MCPH1: variants seen among roughly 807,000 people sequenced by gnomAD.
MCPH1 encodes the protein microcephalin.
MCPH1 carries 104 observed loss-of-function variants against 84.5 expected under a neutral mutation model. That is an observed-to-expected ratio of 1.23 (90% CI 1.05 to 1.45). The LOEUF is 1.45. Among genes scored for constraint, MCPH1 ranks in the 40% most tolerant of loss-of-function variants. MCPH1 has a pLI of 0.00. For synonymous variants in MCPH1, 514 were observed against 366.8 expected, an observed-to-expected ratio of 1.40 and a Z score of -4.58; for missense variants, 1,498 against 1,005.7, an observed-to-expected ratio of 1.49 and a Z score of -6.62.
chr8:6,579,179 G>A (rs766544258), intron 12 of MCPH1, among the ~76,000 whole-genome samples: 1 of 152,204 alleles, frequency 6.6e-6, no homozygotes, highest in Non-Finnish European at 1.5e-5. Context: ...TCCACCTGTA[G>A]CCTCTAGCCC....
At chr8:6,542,292 GT>G (rs1362554046) in intron 12 of MCPH1, among the ~76,000 whole-genome samples, 3 of 133,102 alleles carry the variant, frequency 2.3e-5, no homozygotes, top group African/African-American at 1.0e-4. Flanking sequence ...TGAGGTAGGG[GT>G]GTGTGTGTGT....
intron 5 of MCPH1, 48 bp from the exon 6 acceptor site, chr8:6,438,905 T>C: frequency 1.9e-6 from 3 of 1,584,768 alleles, no homozygotes; most frequent in Non-Finnish European, 1.7e-6. Flanking sequence ...ATTCCTGAAG[T>C]ATGAAGGCAC....
chr8:6,503,816 G>A (rs935653708), intron 12 of MCPH1, among the ~76,000 whole-genome samples: 3 of 152,158 alleles, frequency 2.0e-5, no homozygotes, highest in Admixed American at 6.5e-5. Context: ...CTAAAGCCAG[G>A]GCAGGAGAGG....
rs79036233 is a variant in MCPH1, at chr8:6,480,950, A to T, written c.2136+74A>T. On this transcript the variant is annotated intron_variant, in intron 11 of 13. Transcript: ENST00000344683. ...GAGTGGGTCACCCTGAGGTGCCGAC[A>T]TCAGCACTCAGGCCGGCGTGCACCC... 8 of 1,542,550 alleles carry T rather than the reference A, an allele frequency of 5.2e-6. No individual in the cohort carries two copies. The South Asian group carries it at 7.8e-5, about 15-fold the overall frequency.
chr8:6,541,040 G>A (rs1220766828), intron 12 of MCPH1, among the ~76,000 whole-genome samples: 1 of 152,118 alleles, frequency 6.6e-6, no homozygotes, highest in Non-Finnish European at 1.5e-5. Context: ...TGCCGAGGAG[G>A]CTCTCATGGG....
chr8:6,643,355 C>T lies in MCPH1; in HGVS notation c.*306C>T, dbSNP rs1798056029. The T allele has an allele frequency of 2.6e-6, 1 of 384,548 alleles. No homozygotes were observed. The highest frequency in any genetic ancestry group is 2.5e-5 in the South Asian group (1 of 39,448). 23.8% of individuals were successfully genotyped at this position (384,548 alleles called of 1,614,324 possible). On this transcript the variant is annotated 3_prime_UTR_variant, in exon 14 of 14. Transcript: ENST00000344683. ...TCTCGGCTCACTGCAACCTCCACCT[C>T]CCAGGTTCAAGCGATTCTGCTGCCT...
At position 6,445,154 on chromosome 8, in the gene MCPH1, G is replaced by A; in HGVS notation, c.1432G>A (p.Ala478Thr). 1 of 1,614,202 alleles carries A rather than the reference G, an allele frequency of 6.2e-7. No homozygotes were observed. Among genetic ancestry groups the A allele is most frequent in the South Asian group, 1.1e-5 (1 of 91,082 alleles). ...AACAGTTGACATTACCAATTTCACAGCAAAAACCATCTCCAGTCCTCGGAA... is the reference window on the plus strand; with the variant it reads ...AACAGTTGACATTACCAATTTCACAACAAAAACCATCTCCAGTCCTCGGAA... The part of the protein sequence containing the change: ...TRTVDITNFT[A>T]KTISSPRKTG... The change falls in exon 8 of 14, where the codon GCA (alanine) becomes ACA (threonine). Residue 478 changes from alanine to threonine, a missense_variant. By Grantham distance (58) the Ala-to-Thr change is moderately conservative (BLOSUM62 0). Coordinates refer to ENST00000344683, the MANE Select transcript of MCPH1 (RefSeq NM_024596.5).
At chr8:6,446,535 C>T (rs1048625949) in intron 8 of MCPH1, 2 of 983,692 alleles carry the variant, frequency 2.0e-6, no homozygotes, top group South Asian at 4.7e-5. Context: ...TCTTGGCTTT[C>T]TGAACATATA....
At chr8:6,516,830 C>A (rs1483445979) in intron 12 of MCPH1, among the ~76,000 whole-genome samples, 1 of 152,142 alleles carries the variant, frequency 6.6e-6, no homozygotes, top group Non-Finnish European at 1.5e-5. Flanking sequence ...AATACATGTT[C>A]TATCTTGTTC....
intron 12 of MCPH1, chr8:6,501,135 T>C (rs146392086): frequency 1.3e-5 from 2 of 152,356 alleles, no homozygotes; most frequent in African/African-American, 4.8e-5. Flanking sequence ...ACTAGTTAAA[T>C]AGTTGTTGGA....
At chr8:6,488,468 G>T (rs748733587) in intron 11 of MCPH1, among the ~76,000 whole-genome samples, 1 of 152,208 alleles carries the variant, frequency 6.6e-6, no homozygotes, top group Non-Finnish European at 1.5e-5. Context: ...GAAGACTGTG[G>T]AGTCACCCTG....
At chr8:6,578,368 A>G (rs1827283014) in intron 12 of MCPH1, among the ~76,000 whole-genome samples, 3 of 152,176 alleles carry the variant, frequency 2.0e-5, no homozygotes, top group Admixed American at 2.0e-4. Flanking sequence ...ACTTTGGGAA[A>G]CCCCTTTCCT....
intron 12 of MCPH1, among the ~76,000 whole-genome samples, chr8:6,536,295 A>T (rs1586459127): frequency 6.6e-6 from 1 of 152,102 alleles, no homozygotes; most frequent in South Asian, 2.1e-4. Context: ...CTGTGTCGGG[A>T]TCCCAGGCGC....
intron 6 of MCPH1, among the ~76,000 whole-genome samples, chr8:6,441,613 C>T (rs1803519618): frequency 6.6e-6 from 1 of 152,190 alleles, no homozygotes; most frequent in Non-Finnish European, 1.5e-5. Flanking sequence ...ACATTTGGGT[C>T]TGGGTAATTC....
intron 12 of MCPH1, chr8:6,507,919 T>C (rs987711967): frequency 3.3e-5 from 5 of 152,166 alleles, no homozygotes; most frequent in African/African-American, 4.8e-5. Context: ...ATTCCTATGT[T>C]TGAACTCTCA....
At chr8:6,629,391 G>C (rs1314351579) in intron 13 of MCPH1, among the ~76,000 whole-genome samples, 1 of 152,064 alleles carries the variant, frequency 6.6e-6, no homozygotes, top group African/African-American at 2.4e-5. Flanking sequence ...GAACACAAGA[G>C]GCGGAGGCTG....
At position 6,480,767 on chromosome 8, in the gene MCPH1, C is replaced by T. The variant is rs1281466326; in HGVS notation, c.2027C>T (p.Ala676Val). Residue 676 changes from alanine (A) to valine (V), a missense_variant, in exon 11 of 14, where the codon GCA (alanine) becomes GTA (valine). By Grantham distance (64) the Ala-to-Val change is moderately conservative. Transcript: ENST00000344683. ...GATAAATTGAAAGGCTTTTCAATTGCACCAGACGTCTGTGAGACCACGACT... is the reference window on the plus strand; with the variant it reads ...GATAAATTGAAAGGCTTTTCAATTGTACCAGACGTCTGTGAGACCACGACT... Reference protein sequence around the residue: ...VVDKLKGFSIAPDVCETTTHV... With the variant: ...VVDKLKGFSIVPDVCETTTHV... 1.2e-6 allele frequency: 2 copies of T among 1,614,046 alleles called. No individual in the cohort carries two copies. The highest frequency in any genetic ancestry group is 1.3e-5 in the African/African-American group (1 of 74,910).
chr8:6,511,584 T>C (rs1368551282), intron 12 of MCPH1, among the ~76,000 whole-genome samples: 1 of 152,254 alleles, frequency 6.6e-6, no homozygotes, highest in African/African-American at 2.4e-5. Context: ...TGCATACAAC[T>C]GGCGTCTCAA....
rs199700538 is a variant in MCPH1, at chr8:6,444,505, T to C, written c.783T>C (p.Asp261=). Residue 261 remains aspartate (D), a synonymous_variant, in exon 8 of 14, where the codon GAT becomes GAC. Transcript: ENST00000344683. The stretch of plus-strand genomic sequence containing the variant: ...GATCCATTAATGACATTAAAAGTGA[T>C]GTGTGTATTTCTTCACTTGTATTGA... ...LEGSINDIKS[D]VCISSLVLKA... The C allele has an allele frequency of 1.5e-5, 24 of 1,614,180 alleles. No homozygotes were observed. Among genetic ancestry groups the C allele is most frequent in the East Asian group, 2.2e-5 (1 of 44,880 alleles).
Sources: allele counts gnomAD v4.1 joint callset (sites outside exome capture counted in the v4.1 genomes callset), GRCh38; gene constraint gnomAD v4.1.1; transcripts MANE v1.5; gene names NCBI Gene and HGNC (gene_info 2026-07-23, HGNC 2026-07-21).